The following ZNF280D variants were observed in gnomAD, a reference collection of about 807,000 sequenced individuals.
The protein encoded by ZNF280D is suppressor of hairy wing homolog 4.
In ZNF280D, 39 loss-of-function variants were observed where a neutral mutation model predicts 94.7. That is an observed-to-expected ratio of 0.41 (90% CI 0.32 to 0.54). The LOEUF (loss-of-function observed/expected upper bound fraction) is 0.54, where lower values mean the gene tolerates loss of function less well. Ranked by LOEUF, ZNF280D falls within the 20% of genes least tolerant of loss-of-function variation. The probability of loss-of-function intolerance (pLI) is 0.22; values close to 1 mark genes in which losing one functional copy is unlikely to be tolerated. For missense variants in ZNF280D, 1,090 were observed against 1,149.3 expected, an observed-to-expected ratio of 0.95 and a Z score of 0.75; for synonymous variants, 398 against 377.6, an observed-to-expected ratio of 1.05 and a Z score of -0.63.
intron 19 of ZNF280D, among the ~76,000 whole-genome samples, chr15:56,651,047 C>T (rs1218781474): frequency 2.0e-5 from 3 of 152,102 alleles, no homozygotes; most frequent in Non-Finnish European, 2.9e-5. Flanking sequence ...TTGTCTTTCA[C>T]AAATATAATG....
intron 16 of ZNF280D, among the ~76,000 whole-genome samples, chr15:56,660,624 C>A (rs1172345757): frequency 6.6e-6 from 1 of 151,908 alleles, no homozygotes; most frequent in Non-Finnish European, 1.5e-5. Flanking sequence ...AGAAATAAAT[C>A]TAAGAAAGGT....
intron 16 of ZNF280D, among the ~76,000 whole-genome samples, chr15:56,665,966 T>A (rs1358612616): frequency 6.6e-6 from 1 of 151,954 alleles, no homozygotes; most frequent in East Asian, 1.9e-4. Flanking sequence ...TGAAACCCTG[T>A]CTCTACTAAA....
At chr15:56,693,566 T>C (rs1215065060) in intron 6 of ZNF280D, among the ~76,000 whole-genome samples, 2 of 151,862 alleles carry the variant, frequency 1.3e-5, no homozygotes, top group Non-Finnish European at 2.9e-5. Context: ...TATATATCAG[T>C]AAGATTGATA....
intron 14 of ZNF280D, chr15:56,668,098 T>C (rs2054417294): frequency 1.5e-5 from 7 of 452,176 alleles, no homozygotes; most frequent in South Asian, 1.6e-5. Flanking sequence ...CATGGCTTTA[T>C]ATTGTTTTAG....
Position 56,631,362 on chromosome 15 carries a change from C to G in ZNF280D, c.*136G>C, listed in dbSNP as rs150458707. ...GATTTGTTTGATAACATAGGTTGAA[C>G]ATACAGGTAAAGTGTATGTGTGACC... On this transcript the variant is annotated 3_prime_UTR_variant, in exon 22 of 22. Coordinates refer to ENST00000267807, the MANE Select transcript of ZNF280D (RefSeq NM_017661.4). The G allele has an allele frequency of 4.7e-3, 4,082 of 871,576 alleles. 13 individuals carry two copies. Among genetic ancestry groups the G allele is most frequent in the Non-Finnish European group, 5.6e-3 (3,162 of 566,170 alleles). The allele number at this position is 871,576 out of a possible 1,614,324, so 54.0% of individuals were successfully genotyped here.
intron 1 of ZNF280D, 69 bp downstream of exon 1, chr15:56,733,389 G>T (rs1472154667): frequency 2.2e-6 from 2 of 925,876 alleles, no homozygotes; most frequent in Non-Finnish European, 2.6e-6. Flanking sequence ...GGAGTGAGGC[G>T]GCGCAGGCCG....
intron 10 of ZNF280D, among the ~76,000 whole-genome samples, chr15:56,680,438 C>G (rs1028772694): frequency 1.3e-5 from 2 of 152,042 alleles, no homozygotes; most frequent in African/African-American, 2.4e-5. Context: ...CCTAAACATA[C>G]GTAGCTAGTC....
At chr15:56,685,662 T>C (rs924056149) in intron 9 of ZNF280D, among the ~76,000 whole-genome samples, 1 of 152,134 alleles carries the variant, frequency 6.6e-6, no homozygotes, top group Non-Finnish European at 1.5e-5. Context: ...TCCTTCCTCA[T>C]AGAAAAGAAC....
intron 13 of ZNF280D, among the ~76,000 whole-genome samples, chr15:56,675,607 G>A (rs991342346): frequency 1.3e-5 from 2 of 151,914 alleles, no homozygotes; most frequent in Non-Finnish European, 2.9e-5. Context: ...GGAAACCTTA[G>A]AATAGATCTT....
rs1193915724 is a variant in ZNF280D, at chr15:56,631,612, A to C, written c.2826T>G (p.Pro942=). ...TEILQKGSGD[P]SAKTDEVVSD... Reference sequence around the variant, plus strand: ...ACACTACTTCATCAGTCTTGGCTGAAGGATCACCACTACCTTTCTGAAGAA... The same window carrying C: ...ACACTACTTCATCAGTCTTGGCTGACGGATCACCACTACCTTTCTGAAGAA... Residue 942 remains proline, a synonymous_variant, in exon 22 of 22, where the codon CCT becomes CCG. Transcript: ENST00000267807. 7 of 1,614,042 alleles carry C rather than the reference A, an allele frequency of 4.3e-6. No individual in the cohort carries two copies. The highest frequency in any genetic ancestry group is 5.1e-6 in the Non-Finnish European group (6 of 1,180,030).
chr15:56,698,434 T>C (rs1283238613), intron 6 of ZNF280D: 1 of 152,228 alleles, frequency 6.6e-6, no homozygotes, highest in African/African-American at 2.4e-5. Context: ...TTACCATTGG[T>C]AAGAAATATT....
At chr15:56,646,492 T>A (rs2052899433) in intron 19 of ZNF280D, among the ~76,000 whole-genome samples, 1 of 152,104 alleles carries the variant, frequency 6.6e-6, no homozygotes, top group South Asian at 2.1e-4. Context: ...ACTGAGACAT[T>A]CAGGGACTAA....
chr15:56,700,711 G>C, intron 6 of ZNF280D: 1 of 1,445,626 alleles, frequency 6.9e-7, no homozygotes, highest in Non-Finnish European at 9.1e-7. Context: ...TACCTATTTA[G>C]GCATACTGCC....
At chr15:56,634,962 T>C (rs1462810096) in intron 21 of ZNF280D, among the ~76,000 whole-genome samples, 1 of 152,094 alleles carries the variant, frequency 6.6e-6, no homozygotes, top group Non-Finnish European at 1.5e-5. Context: ...CTCAAAAATT[T>C]AACAACATAA....
chr15:56,663,015 G>A (rs527604607), intron 16 of ZNF280D, among the ~76,000 whole-genome samples: 2 of 151,548 alleles, frequency 1.3e-5, no homozygotes, highest in South Asian at 4.2e-4. Flanking sequence ...GTGCAGAGGG[G>A]GTGCTCAGCT....
chr15:56,729,706 C>G (rs2058795178), intron 1 of ZNF280D: 1 of 152,096 alleles, frequency 6.6e-6, no homozygotes, highest in Non-Finnish European at 1.5e-5. Context: ...ATTCCTCATG[C>G]AACTAGGAAA....
chr15:56,634,499 A>C (rs2052255384), intron 21 of ZNF280D, among the ~76,000 whole-genome samples: 1 of 152,174 alleles, frequency 6.6e-6, no homozygotes, highest in Admixed American at 6.5e-5. Context: ...TTGAAGTATA[A>C]GAAACACCTT....
In ZNF280D at chr15:56,636,515, G is replaced by C. The variant is rs113787345; in HGVS notation, c.2260-1265C>G. ...TTTTTTTTTTTTTTGACAGAGTCTA[G>C]CTCTGTCACCTAGGATGGAGTGCAG... On this transcript the variant is annotated intron_variant, in intron 20 of 21. Coordinates refer to ENST00000267807, the MANE Select transcript of ZNF280D (RefSeq NM_017661.4). Among the ~76,000 whole-genome samples, 298 of 135,240 alleles carry C rather than the reference G, an allele frequency of 2.2e-3. 4 individuals are homozygous for C. Among genetic ancestry groups the C allele is most frequent in the African/African-American group, 7.8e-3 (280 of 36,074 alleles). 88.7% of individuals were successfully genotyped at this position (135,240 alleles called of 152,430 possible). A position where few individuals can be genotyped will look rare whatever the true frequency, so the allele number is the denominator to read the frequency against.
chr15:56,730,336 G>GT (rs2058825887), intron 1 of ZNF280D: 2 of 152,078 alleles, frequency 1.3e-5, no homozygotes, highest in Admixed American at 6.6e-5. Flanking sequence ...TGAATATGTC[G>GT]TAAGTATTCC....
Sources: gnomAD v4.1 joint callset for allele counts (sites outside exome capture counted in the v4.1 genomes callset) on GRCh38, gnomAD v4.1.1 for gene constraint, MANE v1.5 for transcripts, NCBI Gene and HGNC (gene_info 2026-07-23, HGNC 2026-07-21) for gene names.